The following ERBB4 variants were observed in gnomAD, a reference collection of about 807,000 sequenced individuals.
ERBB4 encodes the protein erb-b2 receptor tyrosine kinase 4.
A neutral mutation model predicts 158.0 loss-of-function variants in ERBB4; 42 were observed. The ratio of observed to expected loss-of-function variants is 0.27; its 90% CI spans 0.21 to 0.34. The LOEUF (loss-of-function observed/expected upper bound fraction) is 0.34. Among genes scored for constraint, ERBB4 ranks in the 10% least tolerant of loss-of-function variants. ERBB4 has a pLI of 1.00. For missense variants in ERBB4, 1,333 were observed against 1,624.1 expected, an observed-to-expected ratio of 0.82 and a Z score of 3.08; for synonymous variants, 583 against 558.7, an observed-to-expected ratio of 1.04 and a Z score of -0.61.
chr2:212,152,674 T>C (rs979013576), intron 1 of ERBB4, among the ~76,000 whole-genome samples: 6 of 152,162 alleles, frequency 3.9e-5, no homozygotes, highest in Admixed American at 2.6e-4. Context: ...TCTGAGCTTT[T>C]CACCCATACA....
chr2:212,135,265 G>A (rs1251996749), intron 1 of ERBB4, among the ~76,000 whole-genome samples: 1 of 152,048 alleles, frequency 6.6e-6, no homozygotes, highest in Non-Finnish European at 1.5e-5. Flanking sequence ...CCTCATAACT[G>A]AAAACTAAAA....
At chr2:211,930,508 G>A (rs16847218) in intron 3 of ERBB4, among the ~76,000 whole-genome samples, 21,882 of 152,020 alleles carry the variant, frequency 0.14, 2,993 homozygotes, top group African/African-American at 0.36. Context: ...TGTGGTTACC[G>A]AGTCTGCAAA....
At chr2:211,925,077 G>A (rs1340105044) in intron 3 of ERBB4, among the ~76,000 whole-genome samples, 1 of 152,126 alleles carries the variant, frequency 6.6e-6, no homozygotes, top group Non-Finnish European at 1.5e-5. Flanking sequence ...CGTAATCAAT[G>A]AGTCTCCAAG....
chr2:212,196,985 T>A (rs563346466), intron 1 of ERBB4, among the ~76,000 whole-genome samples: 1 of 152,130 alleles, frequency 6.6e-6, no homozygotes, highest in Non-Finnish European at 1.5e-5. Context: ...AATTCTCCCA[T>A]AGAACTGATG....
chr2:211,816,278 T>C (rs1307208317), intron 3 of ERBB4, among the ~76,000 whole-genome samples: 1 of 152,090 alleles, frequency 6.6e-6, no homozygotes, highest in Non-Finnish European at 1.5e-5. Flanking sequence ...CGGTGGCTCA[T>C]GCCTGTAATC....
chr2:212,155,639 C>T (rs867114722), intron 1 of ERBB4, among the ~76,000 whole-genome samples: 8 of 151,834 alleles, frequency 5.3e-5, no homozygotes, highest in Non-Finnish European at 8.8e-5. Flanking sequence ...TTCAGGGGTC[C>T]GTGAGCTTGA....
In ERBB4 at chr2:211,562,011, C is replaced by A. The variant is rs142841164; in HGVS notation, c.2379G>T (p.Gln793His). The A allele has an allele frequency of 1.2e-5, 20 of 1,614,020 alleles. No homozygotes were observed. The highest frequency in any genetic ancestry group is 3.3e-5 in the Admixed American group (2 of 60,002). The change falls in exon 20 of 28, where the codon CAG (glutamine) becomes CAT (histidine). Residue 793 changes from glutamine to histidine, a missense_variant. By Grantham distance (24) the Gln-to-His change is conservative. Coordinates refer to ENST00000342788, the MANE Select transcript of ERBB4 (RefSeq NM_005235.3). ...LLGVCLSPTI[Q>H]LVTQLMPHGC... is the part of the protein sequence containing the mutation. ...CATGGGGCATAAGTTGAGTAACCAGCTGGATGGTTGGGCTCAGACACACAC... is the reference window on the plus strand; with the variant it reads ...CATGGGGCATAAGTTGAGTAACCAGATGGATGGTTGGGCTCAGACACACAC...
At chr2:212,099,631 C>T (rs530936601) in intron 2 of ERBB4, among the ~76,000 whole-genome samples, 1 of 152,222 alleles carries the variant, frequency 6.6e-6, no homozygotes, top group Admixed American at 6.5e-5. Context: ...GTCTTGCTTT[C>T]CTACAACCTC....
chr2:212,362,632 T>C (rs2089730648), intron 1 of ERBB4, among the ~76,000 whole-genome samples: 1 of 150,914 alleles, frequency 6.6e-6, no homozygotes, highest in African/African-American at 2.4e-5. Context: ...GGTTTATAAA[T>C]TGCCATATTT....
At chr2:211,853,657 T>A (rs544159623) in intron 3 of ERBB4, among the ~76,000 whole-genome samples, 2 of 152,142 alleles carry the variant, frequency 1.3e-5, no homozygotes, top group South Asian at 4.2e-4. Flanking sequence ...AAACAAGCAT[T>A]CCCAAATGAT....
intron 26 of ERBB4, 59 bp from the exon 27 acceptor site, chr2:211,387,209 A>T (rs1268849538): frequency 1.6e-6 from 2 of 1,286,816 alleles, no homozygotes; most frequent in African/African-American, 2.9e-5. Flanking sequence ...TTTAAAAATG[A>T]ATGTTAATAG....
intron 1 of ERBB4, among the ~76,000 whole-genome samples, chr2:212,532,504 T>C (rs1692809864): frequency 6.6e-6 from 1 of 152,190 alleles, no homozygotes; most frequent in Non-Finnish European, 1.5e-5. Flanking sequence ...ACTTTTTTTC[T>C]AAAAAGTCTA....
At chr2:212,228,776 A>C (rs1419626821) in intron 1 of ERBB4, among the ~76,000 whole-genome samples, 1 of 152,232 alleles carries the variant, frequency 6.6e-6, no homozygotes, top group Non-Finnish European at 1.5e-5. Context: ...ACGTCACATA[A>C]TCAACCAGAT....
intron 20 of ERBB4, among the ~76,000 whole-genome samples, chr2:211,460,254 T>A (rs752683020): frequency 4.6e-5 from 7 of 152,180 alleles, no homozygotes; most frequent in Non-Finnish European, 7.4e-5. Context: ...ATGCTTTTTT[T>A]TATGATTGAA....
intron 1 of ERBB4, among the ~76,000 whole-genome samples, chr2:212,292,801 A>G (rs184890227): frequency 6.6e-6 from 1 of 152,164 alleles, no homozygotes; most frequent in East Asian, 1.9e-4. Flanking sequence ...TGAAAGATAA[A>G]CCAGAGAACC....
At chr2:211,603,177 GC>G (rs1463688521) in intron 19 of ERBB4, among the ~76,000 whole-genome samples, 7 of 152,142 alleles carry the variant, frequency 4.6e-5, no homozygotes, top group Non-Finnish European at 1.0e-4. Context: ...GTTGCAGTGA[GC>G]CGAGATCGCG....
At chr2:212,072,537 C>G (rs1458147679) in intron 2 of ERBB4, among the ~76,000 whole-genome samples, 1 of 151,926 alleles carries the variant, frequency 6.6e-6, no homozygotes, top group Admixed American at 6.6e-5. Context: ...GATGAATTCC[C>G]TGGAGAAAGA....
At chr2:212,322,523 G>A (rs186678531) in intron 1 of ERBB4, among the ~76,000 whole-genome samples, 15 of 150,662 alleles carry the variant, frequency 1.0e-4, no homozygotes, top group Admixed American at 6.0e-4. Context: ...ATTTGAATGC[G>A]TATACATTTT....
chr2:211,500,797 C>G (rs530535708), intron 20 of ERBB4, among the ~76,000 whole-genome samples: 1 of 151,960 alleles, frequency 6.6e-6, no homozygotes, highest in Non-Finnish European at 1.5e-5. Context: ...TTGTACATAT[C>G]TCACACTGAG....
Sources: allele counts gnomAD v4.1 joint callset (sites outside exome capture counted in the v4.1 genomes callset), GRCh38; gene constraint gnomAD v4.1.1; transcripts MANE v1.5; gene names NCBI Gene and HGNC (gene_info 2026-07-23, HGNC 2026-07-21).